Variants in CNTNAP2 observed in about 807,000 individuals in gnomAD.
CNTNAP2 encodes the protein contactin-associated protein-like 2.
In CNTNAP2, 98 loss-of-function variants were observed where a neutral mutation model predicts 155.2. That is an observed-to-expected ratio of 0.63 (90% CI 0.54 to 0.75). The LOEUF (loss-of-function observed/expected upper bound fraction) is 0.75. Among genes scored for constraint, CNTNAP2 ranks in the 30% least tolerant of loss-of-function variants. CNTNAP2 has a pLI of 0.00. For synonymous variants in CNTNAP2, 651 were observed against 631.2 expected (o/e 1.03, Z -0.47); for missense variants, 1,727 against 1,688.1 (o/e 1.02, Z -0.40).
At chr7:148,288,284 A>G (rs1242849716) in intron 21 of CNTNAP2, among the ~76,000 whole-genome samples, 1 of 151,084 alleles carries the variant, frequency 6.6e-6, no homozygotes, top group Non-Finnish European at 1.5e-5. Context: ...TATTTTTAGT[A>G]GAGGCGGGGT....
intron 13 of CNTNAP2, among the ~76,000 whole-genome samples, chr7:147,896,760 C>T (rs144547967): frequency 6.3e-4 from 96 of 152,264 alleles, no homozygotes; most frequent in African/African-American, 2.1e-3. Flanking sequence ...TGACTCTTAA[C>T]TATAATTTCT....
chr7:146,361,089 A>G (rs1165944050), intron 1 of CNTNAP2, among the ~76,000 whole-genome samples: 1 of 152,186 alleles, frequency 6.6e-6, no homozygotes, highest in Admixed American at 6.5e-5. Flanking sequence ...AAAGCAAGAG[A>G]AAAGGACATT....
chr7:147,464,791 T>A (rs1485250186), intron 10 of CNTNAP2, among the ~76,000 whole-genome samples: 1 of 152,208 alleles, frequency 6.6e-6, no homozygotes, highest in Non-Finnish European at 1.5e-5. Flanking sequence ...TTTAACAGGC[T>A]GTTACCTTAA....
At chr7:147,949,456 ATATT>A (rs1800884529) in intron 14 of CNTNAP2, among the ~76,000 whole-genome samples, 1 of 131,020 alleles carries the variant, frequency 7.6e-6, no homozygotes, top group South Asian at 2.4e-4. Flanking sequence ...ATATATATAT[ATATT>A]TTTTTTTTTT....
intron 1 of CNTNAP2, among the ~76,000 whole-genome samples, chr7:146,705,047 A>G (rs1241825980): frequency 3.9e-5 from 6 of 152,078 alleles, no homozygotes; most frequent in Admixed American, 3.3e-4. Context: ...GGATTTGACT[A>G]CCTGTTTGGG....
chr7:148,060,134 A>G (rs1402981036), intron 15 of CNTNAP2, among the ~76,000 whole-genome samples: 1 of 152,194 alleles, frequency 6.6e-6, no homozygotes, highest in Non-Finnish European at 1.5e-5. Flanking sequence ...TTGATCCACT[A>G]GCTTTGCTGT....
At chr7:147,946,457 T>C (rs1800821168) in intron 14 of CNTNAP2, among the ~76,000 whole-genome samples, 2 of 152,082 alleles carry the variant, frequency 1.3e-5, no homozygotes, top group South Asian at 4.1e-4. Flanking sequence ...TTGGTTTATA[T>C]GGAAGAAAAT....
In CNTNAP2 at chr7:147,895,451, T is replaced by C. The variant is rs559294296; in HGVS notation, c.2099-8114T>C. On this transcript the variant is annotated intron_variant, in intron 13 of 23. Coordinates refer to ENST00000361727, the MANE Select transcript of CNTNAP2 (RefSeq NM_014141.6). ...TTAATTCATTTCATATTTGGCTGTT[T>C]TAATACAATATGCCTTACTTTGATA... Among the ~76,000 whole-genome samples, 25 of 152,214 alleles carry C rather than the reference T, an allele frequency of 1.6e-4. 1 individual carries two copies. The highest frequency in any genetic ancestry group is 3.5e-4 in the Non-Finnish European group (24 of 68,042).
intron 1 of CNTNAP2, among the ~76,000 whole-genome samples, chr7:146,728,456 A>T (rs2129178907): frequency 6.6e-6 from 1 of 152,254 alleles, no homozygotes; most frequent in African/African-American, 2.4e-5. Context: ...CTTGTTTGTT[A>T]GATATCTGTA....
chr7:148,119,339 C>T (rs1247375680), intron 16 of CNTNAP2, among the ~76,000 whole-genome samples: 1 of 149,636 alleles, frequency 6.7e-6, no homozygotes, highest in Admixed American at 6.7e-5. Flanking sequence ...CTGGCTAACA[C>T]AGTGAAACCC....
intron 12 of CNTNAP2, among the ~76,000 whole-genome samples, chr7:147,633,619 C>T (rs914122427): frequency 1.3e-5 from 2 of 152,114 alleles, no homozygotes; most frequent in African/African-American, 2.4e-5. Flanking sequence ...TAATCCTATG[C>T]GAGGACCAGA....
chr7:148,283,239 CAAA>C (rs1199411040), intron 21 of CNTNAP2, among the ~76,000 whole-genome samples: 575 of 27,930 alleles, frequency 0.021, 42 homozygotes, highest in Admixed American at 0.036. Flanking sequence ...AACTCTGTCT[CAAA>C]AAAAAAAAAA....
chr7:147,302,068 A>C (rs1794955228), intron 9 of CNTNAP2, among the ~76,000 whole-genome samples: 1 of 152,232 alleles, frequency 6.6e-6, no homozygotes, highest in Non-Finnish European at 1.5e-5. Flanking sequence ...AAGTCAAACA[A>C]GCTGTCTTAT....
chr7:146,888,007 G>A (rs949879982), intron 3 of CNTNAP2, among the ~76,000 whole-genome samples: 1 of 152,016 alleles, frequency 6.6e-6, no homozygotes, highest in Non-Finnish European at 1.5e-5. Context: ...TGACTACCAA[G>A]TATTTAAGTC....
At chr7:147,775,346 T>TCTGAAG (rs1563084631) in intron 13 of CNTNAP2, among the ~76,000 whole-genome samples, 6 of 37,420 alleles carry the variant, frequency 1.6e-4, no homozygotes, top group South Asian at 7.2e-4. Context: ...TAAATATATA[T>TCTGAAG]ATTTATATAT....
At chr7:147,259,628 A>G (rs1804411469) in intron 8 of CNTNAP2, among the ~76,000 whole-genome samples, 1 of 152,208 alleles carries the variant, frequency 6.6e-6, no homozygotes, top group African/African-American at 2.4e-5. Flanking sequence ...AATACAAAGC[A>G]GTGTTTATAT....
At chr7:148,044,205 ATTTTT>A (rs55884389) in intron 15 of CNTNAP2, among the ~76,000 whole-genome samples, 1 of 137,814 alleles carries the variant, frequency 7.3e-6, no homozygotes, top group Non-Finnish European at 1.6e-5. Context: ...CTTAGGTTGT[ATTTTT>A]TTTTTTTTTT....
chr7:147,093,453 A>C (rs1323337343), intron 4 of CNTNAP2, among the ~76,000 whole-genome samples: 2 of 152,148 alleles, frequency 1.3e-5, no homozygotes, highest in Admixed American at 1.3e-4. Context: ...ACGTAAACAC[A>C]AGCAGTCTTC....
intron 18 of CNTNAP2, among the ~76,000 whole-genome samples, chr7:148,210,374 T>C (rs1795524459): frequency 6.6e-6 from 1 of 152,208 alleles, no homozygotes; most frequent in Non-Finnish European, 1.5e-5. Flanking sequence ...ACAACAGGAA[T>C]ACGTATTAAC....
Sources: allele counts gnomAD v4.1 joint callset (sites outside exome capture counted in the v4.1 genomes callset), GRCh38; gene constraint gnomAD v4.1.1; transcripts MANE v1.5; gene names NCBI Gene and HGNC (gene_info 2026-07-23, HGNC 2026-07-21).